The following ALDH18A1 variants were observed in gnomAD, a reference collection of about 807,000 sequenced individuals.
ALDH18A1 encodes aldehyde dehydrogenase 18 family member A1.
In ALDH18A1, 44 loss-of-function variants were observed where a neutral mutation model predicts 88.8. The observed-to-expected ratio is 0.50, with a 90% CI of 0.39 to 0.64. The LOEUF (loss-of-function observed/expected upper bound fraction) is 0.64. Among genes scored for constraint, ALDH18A1 ranks in the 30% least tolerant of loss-of-function variants. The pLI, the probability that ALDH18A1 is intolerant of heterozygous loss-of-function variation, is 0.00. For synonymous variants in ALDH18A1, 331 were observed against 372.1 expected (o/e 0.89, Z 1.27); for missense variants, 782 against 1,009.5 (o/e 0.77, Z 3.05).
intron 2 of ALDH18A1, 49 bp downstream of exon 2, chr10:95,653,241 T>C (rs2097913173): frequency 6.8e-7 from 1 of 1,466,802 alleles, no homozygotes; most frequent in African/African-American, 1.4e-5. Flanking sequence ...TGAAACATAC[T>C]TTGACTATCA....
intron 1 of ALDH18A1, among the ~76,000 whole-genome samples, chr10:95,654,454 ACTG>A (rs1352978861): frequency 6.6e-6 from 1 of 152,006 alleles, no homozygotes; most frequent in Admixed American, 6.6e-5. Context: ...CTACAGAGAC[ACTG>A]CTATTTTCAC....
intron 3 of ALDH18A1, 75 bp downstream of exon 3, chr10:95,642,917 C>A: frequency 7.1e-7 from 1 of 1,417,398 alleles, no homozygotes; most frequent in South Asian, 1.2e-5. Context: ...AGTTGATGAG[C>A]AACTTAAACC....
Position 95,655,687 on chromosome 10 carries a change from T to A in ALDH18A1, c.-29+910A>T, listed in dbSNP as rs372258272. Among the ~76,000 whole-genome samples the A allele has an allele frequency of 5.5e-4, 79 of 143,426 alleles. No homozygotes were observed. In the Middle Eastern group the frequency reaches 0.011, roughly 19 times the overall value. The allele number at this position is 143,426 out of a possible 152,430, so 94.1% of individuals were successfully genotyped here. A position where few individuals can be genotyped will look rare whatever the true frequency, so the allele number is the denominator to read the frequency against. On this transcript the variant is annotated intron_variant, in intron 1 of 17. Transcript: ENST00000371224. ...GATCCCAAGGAGCAAAGAGAGTGTG[T>A]GTGTGTGTGTGTGTGTGTGTGTATC...
intron 12 of ALDH18A1, among the ~76,000 whole-genome samples, chr10:95,620,545 A>G (rs111509665): frequency 3.0e-4 from 46 of 152,348 alleles, no homozygotes; most frequent in Admixed American, 5.9e-4. Context: ...ACGTCCATCA[A>G]TGATAGACTG....
Position 95,626,843 on chromosome 10 carries a change from G to A in ALDH18A1, c.1079-67C>T, listed in dbSNP as rs117136187. On this transcript the variant is annotated intron_variant, in intron 9 of 17. Coordinates refer to ENST00000371224, the MANE Select transcript of ALDH18A1 (RefSeq NM_002860.4). ...TTCTCTCTCTAGTTCTACTACTAGA[G>A]AGAGAACTACCAGCACATGCACAAG... The A allele has an allele frequency of 6.2e-5, 95 of 1,526,082 alleles. No individual in the cohort carries two copies. In the East Asian group the frequency reaches 2.1e-3, roughly 34 times the overall value. 94.5% of individuals were successfully genotyped at this position (1,526,082 alleles called of 1,614,324 possible).
intron 2 of ALDH18A1, 47 bp downstream of exon 2, chr10:95,653,243 T>C (rs954131158): frequency 6.8e-7 from 1 of 1,470,440 alleles, no homozygotes; most frequent in Non-Finnish European, 9.5e-7. Flanking sequence ...AAACATACTT[T>C]GACTATCAAA....
chr10:95,628,854 G>A (rs2097864059), intron 7 of ALDH18A1: 3 of 328,030 alleles, frequency 9.1e-6, no homozygotes, highest in South Asian at 8.4e-5. Context: ...AAAAAGAAGG[G>A]TGGCTATTGC....
chr10:95,607,531 T>C (rs1456553602), intron 17 of ALDH18A1, among the ~76,000 whole-genome samples: 1 of 152,064 alleles, frequency 6.6e-6, no homozygotes, highest in African/African-American at 2.4e-5. Flanking sequence ...GAGGCAGGGT[T>C]CCCTCAATCA....
chr10:95,642,036 G>A (rs764660063), intron 3 of ALDH18A1, among the ~76,000 whole-genome samples: 1 of 152,154 alleles, frequency 6.6e-6, no homozygotes, highest in Non-Finnish European at 1.5e-5. Context: ...CAAGTTTCAG[G>A]TTAGCAATTT....
At chr10:95,624,092 C>G (rs1159928549) in intron 11 of ALDH18A1, among the ~76,000 whole-genome samples, 1 of 152,240 alleles carries the variant, frequency 6.6e-6, no homozygotes, top group African/African-American at 2.4e-5. Context: ...CCAGCTTGGC[C>G]TCTCAAAGTG....
In ALDH18A1 at chr10:95,606,608, T is replaced by G; in HGVS notation, c.*154A>C. On this transcript the variant is annotated 3_prime_UTR_variant, in exon 18 of 18. Coordinates refer to ENST00000371224, the MANE Select transcript of ALDH18A1 (RefSeq NM_002860.4). Reference sequence around the variant, plus strand: ...CCAGACTGTGCACATCAGCCAAGACTGCTATTGCCAAACGGAGCCCAGAAG... The same window carrying G: ...CCAGACTGTGCACATCAGCCAAGACGGCTATTGCCAAACGGAGCCCAGAAG... 1 of 1,583,322 alleles carries G rather than the reference T, an allele frequency of 6.3e-7. No homozygotes were observed. Among genetic ancestry groups the G allele is most frequent in the Non-Finnish European group, 8.6e-7 (1 of 1,169,354 alleles).
Position 95,611,192 on chromosome 10 carries a change from AGAG to A in ALDH18A1, c.2110+61_2110+63del. 5.0e-6 allele frequency: 8 copies of A among 1,597,592 alleles called. No homozygotes were observed. In the South Asian group the frequency reaches 8.8e-5, roughly 18 times the overall value. The stretch of plus-strand genomic sequence containing the variant: ...TTTTTCTGCAGCCCAAGGGGGGCTA[AGAG>A]GAGCAGGATCAGAAAGCAGCAAAGG... On this transcript the variant is annotated intron_variant, in intron 16 of 17. Transcript: ENST00000371224.
Position 95,614,034 on chromosome 10 carries a change from C to T in ALDH18A1, c.1733G>A (p.Gly578Glu), listed in dbSNP as rs1385444541. ...CATGTGACAGATCCCTTCGCTGTGC[C>T]CCATCACTGGAATCCCCTTAGCAGC... is the stretch of plus-strand genomic sequence containing the variant. The part of the protein sequence containing the change: ...QKAAKGIPVM[G>E]HSEGICHMYV... The change falls in exon 14 of 18, where the codon GGG becomes GAG. Residue 578 changes from glycine (G) to glutamate (E), a missense_variant. Transcript: ENST00000371224. 6.2e-7 allele frequency: 1 copy of T among 1,614,190 alleles called. No individual in the cohort carries two copies.
chr10:95,641,510 T>TTC (rs2097891427), intron 3 of ALDH18A1, among the ~76,000 whole-genome samples: 2 of 106,184 alleles, frequency 1.9e-5, no homozygotes, highest in East Asian at 6.2e-4. Flanking sequence ...TTTTTTTTTT[T>TTC]CTGCAGGGGC....
chr10:95,635,257 G>A (rs1477529610), intron 5 of ALDH18A1, among the ~76,000 whole-genome samples: 1 of 152,144 alleles, frequency 6.6e-6, no homozygotes, highest in East Asian at 1.9e-4. Context: ...ATAGATTCTA[G>A]TCACGATGGT....
In ALDH18A1 at chr10:95,631,467, G is replaced by A. The variant is rs534176036; in HGVS notation, c.808+1492C>T. Among the ~76,000 whole-genome samples, 161 of 152,098 alleles carry A rather than the reference G, an allele frequency of 1.1e-3. 1 individual carries two copies. The highest frequency in any genetic ancestry group is 3.4e-3 in the African/African-American group (141 of 41,512). The stretch of plus-strand genomic sequence containing the variant: ...GCAGATAAAAACAACTGAATAGGCC[G>A]GGCGCGGTGGCTCACACCTGTAATC... On this transcript the variant is annotated intron_variant, in intron 7 of 17. Coordinates refer to ENST00000371224, the MANE Select transcript of ALDH18A1 (RefSeq NM_002860.4).
In ALDH18A1 at chr10:95,611,261, T is replaced by C. The variant is rs979536943; in HGVS notation, c.2105A>G (p.Glu702Gly). 1 of 1,614,012 alleles carries C rather than the reference T, an allele frequency of 6.2e-7. No homozygotes were observed. The highest frequency in any genetic ancestry group is 1.1e-5 in the South Asian group (1 of 91,070). The change falls in exon 16 of 18, where the codon GAG (glutamate) becomes GGG (glycine). Residue 702 changes from glutamate (E) to glycine (G), a missense_variant. Physicochemically the swap from Glu to Gly is moderately conservative, Grantham distance 98. Coordinates refer to ENST00000371224, the MANE Select transcript of ALDH18A1 (RefSeq NM_002860.4). Reference protein sequence around the residue: ...GSSHTDVIVTEDENTAEFFLQ... With the variant: ...GSSHTDVIVTGDENTAEFFLQ... Reference sequence around the variant, plus strand: ...GGAAGCATCTGGACACTGACCGTCCTCTGTGACGATGACATCCGTGTGGGA... The same window carrying C: ...GGAAGCATCTGGACACTGACCGTCCCCTGTGACGATGACATCCGTGTGGGA...
chr10:95,616,925 A>G (rs924439937), intron 12 of ALDH18A1, among the ~76,000 whole-genome samples: 3 of 152,190 alleles, frequency 2.0e-5, no homozygotes, highest in Non-Finnish European at 4.4e-5. Flanking sequence ...CAACTAAACT[A>G]TATGGCTTCC....
Position 95,653,331 on chromosome 10 carries a change from T to C in ALDH18A1, c.47A>G (p.His16Arg). 3 of 1,612,722 alleles carry C rather than the reference T, an allele frequency of 1.9e-6. No individual in the cohort carries two copies. Among genetic ancestry groups the C allele is most frequent in the Non-Finnish European group, 2.5e-6 (3 of 1,179,838 alleles). ...YRCGFQPFNQ[H>R]LLPWVKCTTV... ...TGTACACTTGACCCAGGGCAGAAGA[T>C]GTTGGTTGAAGGGCTGGAACCCACA... Residue 16 changes from histidine (H) to arginine (R), a missense_variant, in exon 2 of 18, where the codon CAT (histidine) becomes CGT (arginine). Coordinates refer to ENST00000371224, the MANE Select transcript of ALDH18A1 (RefSeq NM_002860.4).
Sources: gnomAD v4.1 joint callset for allele counts (sites outside exome capture counted in the v4.1 genomes callset) on GRCh38, gnomAD v4.1.1 for gene constraint, MANE v1.5 for transcripts, NCBI Gene and HGNC (gene_info 2026-07-23, HGNC 2026-07-21) for gene names.